The following TMEM108 variants were observed in gnomAD, a reference collection of about 807,000 sequenced individuals.
The protein encoded by TMEM108 is transmembrane protein 108, also known as cancer/testis antigen 124.
TMEM108 carries 12 observed loss-of-function variants against 35.1 expected under a neutral mutation model. The ratio of observed to expected loss-of-function variants is 0.34; its 90% CI spans 0.22 to 0.55. TMEM108 has a LOEUF of 0.55. TMEM108 is among the 20% of genes least tolerant of loss of function. The pLI, the probability that TMEM108 is intolerant of heterozygous loss-of-function variation, is 0.89. For synonymous variants in TMEM108, 287 were observed against 308.6 expected (o/e 0.93, Z 0.73); for missense variants, 680 against 753.3 (o/e 0.90, Z 1.14).
chr3:133,209,371 A>G (rs1462854197), intron 2 of TMEM108, among the ~76,000 whole-genome samples: 3 of 152,196 alleles, frequency 2.0e-5, no homozygotes, highest in South Asian at 2.1e-4. Flanking sequence ...ATAATTTGCT[A>G]TGATATACCT....
chr3:133,246,501 G>A (rs943983033), intron 3 of TMEM108: 1 of 152,094 alleles, frequency 6.6e-6, no homozygotes. Context: ...CAAAGTTAGG[G>A]GATTCTCACA....
chr3:133,104,268 G>T (rs1944123112), intron 2 of TMEM108, among the ~76,000 whole-genome samples: 1 of 152,144 alleles, frequency 6.6e-6, no homozygotes. Flanking sequence ...ACAGCTCCTG[G>T]CAGATAATAA....
chr3:133,086,421 CT>C (rs1464734300), intron 2 of TMEM108, among the ~76,000 whole-genome samples: 1 of 152,086 alleles, frequency 6.6e-6, no homozygotes, highest in African/African-American at 2.4e-5. Context: ...GGTTTTGTAC[CT>C]GTTGAATTCC....
intron 3 of TMEM108, chr3:133,253,600 C>T (rs902558087): frequency 6.6e-6 from 1 of 152,200 alleles, no homozygotes; most frequent in African/African-American, 2.4e-5. Flanking sequence ...CCAGTTGTTA[C>T]TGCTTACTAA....
chr3:133,109,064 G>A, intron 2 of TMEM108, among the ~76,000 whole-genome samples: 1 of 152,096 alleles, frequency 6.6e-6, no homozygotes. Context: ...TGACCTCAGA[G>A]ACTGTCATGC....
intron 3 of TMEM108, among the ~76,000 whole-genome samples, chr3:133,361,819 A>T (rs11919306): frequency 0.33 from 50,228 of 152,068 alleles, 8,836 homozygotes; most frequent in East Asian, 0.48. Flanking sequence ...AAACCTGGCC[A>T]TATGAAAGAG....
At chr3:133,081,511 A>G (rs1245628265) in intron 2 of TMEM108, among the ~76,000 whole-genome samples, 2 of 152,200 alleles carry the variant, frequency 1.3e-5, no homozygotes, top group Admixed American at 6.5e-5. Flanking sequence ...GGGGAACGCA[A>G]TTCAGTTCAC....
chr3:133,223,940 G>C (rs1183109201), intron 2 of TMEM108, among the ~76,000 whole-genome samples: 4 of 152,164 alleles, frequency 2.6e-5, no homozygotes, highest in Non-Finnish European at 5.9e-5. Context: ...ATAGCCCTGT[G>C]TAACCCAGTT....
chr3:133,172,572 G>A lies in TMEM108; in HGVS notation c.-46-56694G>A, dbSNP rs1420662610. 2.0e-5 allele frequency among the ~76,000 whole-genome samples: 3 copies of A among 152,204 alleles called. No individual in the cohort carries two copies. In the East Asian group the frequency reaches 5.8e-4, roughly 29 times the overall value. On this transcript the variant is annotated intron_variant, in intron 2 of 5. Coordinates refer to ENST00000321871, the MANE Select transcript of TMEM108 (RefSeq NM_023943.4). ...TGCTTTTGGGCAGGGGTTTTTTTGT[G>A]CTTTTTAAAACTTTATTTCAACATA...
intron 3 of TMEM108, among the ~76,000 whole-genome samples, chr3:133,296,366 A>G (rs1383040836): frequency 6.6e-6 from 1 of 152,226 alleles, no homozygotes; most frequent in Non-Finnish European, 1.5e-5. Flanking sequence ...TTAAAACAGG[A>G]ATTACACACA....
intron 2 of TMEM108, among the ~76,000 whole-genome samples, chr3:133,063,801 A>G (rs927855434): frequency 6.6e-6 from 1 of 152,236 alleles, no homozygotes; most frequent in African/African-American, 2.4e-5. Flanking sequence ...TCTTATACAG[A>G]GCACATAGGG....
intron 3 of TMEM108, among the ~76,000 whole-genome samples, chr3:133,358,806 C>T (rs142896353): frequency 3.9e-4 from 60 of 152,256 alleles, no homozygotes; most frequent in African/African-American, 1.3e-3. Context: ...CCTCCCTTCC[C>T]ATCCCTCTTC....
At chr3:133,091,570 A>G (rs1488473463) in intron 2 of TMEM108, among the ~76,000 whole-genome samples, 2 of 152,250 alleles carry the variant, frequency 1.3e-5, no homozygotes, top group Non-Finnish European at 2.9e-5. Context: ...AGGAATTTAC[A>G]AATTAATTAG....
chr3:133,167,888 C>T (rs1028531578), intron 2 of TMEM108, among the ~76,000 whole-genome samples: 5 of 152,064 alleles, frequency 3.3e-5, no homozygotes, highest in Non-Finnish European at 5.9e-5. Context: ...GAGTGGGCAC[C>T]GAGGCTGAGG....
At chr3:133,383,003 T>C (rs891414587) in intron 4 of TMEM108, among the ~76,000 whole-genome samples, 2 of 152,208 alleles carry the variant, frequency 1.3e-5, no homozygotes, top group Non-Finnish European at 2.9e-5. Context: ...TTATTGTCTC[T>C]CATGAAAACA....
chr3:133,161,878 A>G (rs903008686), intron 2 of TMEM108, among the ~76,000 whole-genome samples: 13 of 152,182 alleles, frequency 8.5e-5, no homozygotes, highest in Admixed American at 5.2e-4. Context: ...AAACCTGGCT[A>G]AGTGTCTTCA....
At chr3:133,276,018 T>G (rs1946834053) in intron 3 of TMEM108, among the ~76,000 whole-genome samples, 2 of 152,208 alleles carry the variant, frequency 1.3e-5, no homozygotes, top group South Asian at 4.1e-4. Flanking sequence ...TCATCTCCCT[T>G]GTTTTGACTC....
chr3:133,248,496 T>C (rs1307841247), intron 3 of TMEM108: 1 of 152,090 alleles, frequency 6.6e-6, no homozygotes, highest in Non-Finnish European at 1.5e-5. Context: ...CTTGATGGAG[T>C]TTATAACTTC....
At chr3:133,217,622 T>A (rs1945928605) in intron 2 of TMEM108, among the ~76,000 whole-genome samples, 1 of 152,076 alleles carries the variant, frequency 6.6e-6, no homozygotes, top group South Asian at 2.1e-4. Flanking sequence ...GACATAGTAG[T>A]CTAATTTCAT....
Sources: allele counts gnomAD v4.1 joint callset (sites outside exome capture counted in the v4.1 genomes callset), GRCh38; gene constraint gnomAD v4.1.1; transcripts MANE v1.5; gene names NCBI Gene and HGNC (gene_info 2026-07-23, HGNC 2026-07-21).